Variants in PLXDC2 observed in about 807,000 individuals in gnomAD.
PLXDC2 encodes the protein plexin domain-containing protein 2.
A neutral mutation model predicts 68.9 loss-of-function variants in PLXDC2; 40 were observed. That is an observed-to-expected ratio of 0.58 (90% CI 0.45 to 0.76). PLXDC2 has a LOEUF of 0.76. PLXDC2 is among the 30% of genes least tolerant of loss of function. The pLI, the probability that PLXDC2 is intolerant of heterozygous loss-of-function variation, is 0.00. For missense variants in PLXDC2, 644 were observed against 661.9 expected, an observed-to-expected ratio of 0.97 and a Z score of 0.30; for synonymous variants, 243 against 234.2, an observed-to-expected ratio of 1.04 and a Z score of -0.34.
intron 12 of PLXDC2, among the ~76,000 whole-genome samples, chr10:20,238,698 C>CAT (rs1439937315): frequency 9.5e-6 from 1 of 105,386 alleles, no homozygotes; most frequent in Non-Finnish European, 2.0e-5. Context: ...TATATACACA[C>CAT]ATATATATGT....
In PLXDC2 at chr10:19,883,884, C is replaced by CT. The variant is rs397846779; in HGVS notation, c.112+66720dup. 8.6e-3 allele frequency among the ~76,000 whole-genome samples: 472 copies of CT among 55,086 alleles called. 84 individuals are homozygous for CT. The highest frequency in any genetic ancestry group is 0.016 in the East Asian group (21 of 1,354). 36.1% of individuals were successfully genotyped at this position (55,086 alleles called of 152,430 possible). A position where few individuals can be genotyped will look rare whatever the true frequency, so the allele number is the denominator to read the frequency against. ...ATTACTGTCTCCAGATCCCTTTAAACTTTTTTTTTTTTTTTTTTTTTTTTT... is the reference window on the plus strand; with the variant it reads ...ATTACTGTCTCCAGATCCCTTTAAACTTTTTTTTTTTTTTTTTTTTTTTTTT... On this transcript the variant is annotated intron_variant, in intron 1 of 13. Coordinates refer to ENST00000377252, the MANE Select transcript of PLXDC2 (RefSeq NM_032812.9).
intron 1 of PLXDC2, among the ~76,000 whole-genome samples, chr10:19,956,487 C>A (rs1834071479): frequency 6.6e-6 from 1 of 152,186 alleles, no homozygotes; most frequent in Non-Finnish European, 1.5e-5. Flanking sequence ...TTGTACAGCT[C>A]TGGAATCTTA....
At chr10:20,065,872 GCCTGCTGCTCA>G (rs1022491862) in intron 3 of PLXDC2, among the ~76,000 whole-genome samples, 87 of 152,352 alleles carry the variant, frequency 5.7e-4, no homozygotes, top group African/African-American at 2.0e-3. Flanking sequence ...TCCCTGGGTT[GCCTGCTGCTCA>G]CCTGCTGCTG....
At chr10:20,134,941 A>G (rs1833915775) in intron 4 of PLXDC2, among the ~76,000 whole-genome samples, 1 of 152,256 alleles carries the variant, frequency 6.6e-6, no homozygotes, top group East Asian at 1.9e-4. Context: ...TGGAGGGTAT[A>G]TTTCTCTGCA....
chr10:19,847,790 T>C (rs956881850), intron 1 of PLXDC2, among the ~76,000 whole-genome samples: 7 of 152,296 alleles, frequency 4.6e-5, no homozygotes, highest in African/African-American at 1.7e-4. Flanking sequence ...CACTATCACA[T>C]AGAGTCTATA....
intron 1 of PLXDC2, among the ~76,000 whole-genome samples, chr10:19,835,540 T>G (rs372542): frequency 4.6e-5 from 7 of 151,842 alleles, no homozygotes; most frequent in Non-Finnish European, 8.8e-5. Flanking sequence ...AGGGCTCAGA[T>G]GAGTTCAGGA....
intron 1 of PLXDC2, among the ~76,000 whole-genome samples, chr10:19,824,753 A>G (rs1205137446): frequency 1.3e-5 from 2 of 152,258 alleles, no homozygotes; most frequent in African/African-American, 4.8e-5. Context: ...AGATGAGAAT[A>G]TAAAATATTC....
chr10:20,171,856 T>A (rs545635476), intron 7 of PLXDC2, among the ~76,000 whole-genome samples: 1 of 152,090 alleles, frequency 6.6e-6, no homozygotes, highest in African/African-American at 2.4e-5. Context: ...GTGCCTGTAA[T>A]CTCAGCATTT....
chr10:19,934,863 T>C (rs75238241), intron 1 of PLXDC2, among the ~76,000 whole-genome samples: 2 of 152,040 alleles, frequency 1.3e-5, no homozygotes, highest in Non-Finnish European at 2.9e-5. Flanking sequence ...TTTCTTTCAC[T>C]AAGGTGAAAC....
intron 3 of PLXDC2, among the ~76,000 whole-genome samples, chr10:20,065,492 G>A (rs529989668): frequency 6.6e-6 from 1 of 152,310 alleles, no homozygotes; most frequent in East Asian, 1.9e-4. Context: ...TTTTTCCACA[G>A]AGGGTAGGAG....
intron 13 of PLXDC2, among the ~76,000 whole-genome samples, chr10:20,263,872 G>C (rs1588550977): frequency 6.6e-6 from 1 of 152,096 alleles, no homozygotes; most frequent in African/African-American, 2.4e-5. Flanking sequence ...ACTGTTTGTG[G>C]GAGTATAAGT....
At chr10:20,090,587 T>C (rs1488915221) in intron 4 of PLXDC2, among the ~76,000 whole-genome samples, 3 of 152,302 alleles carry the variant, frequency 2.0e-5, no homozygotes, top group East Asian at 1.9e-4. Flanking sequence ...ATATTTAAGG[T>C]ACATTTAATG....
rs895948839 is a variant in PLXDC2, at chr10:20,143,292, T to C, written c.542-3T>C. ...AATATGTTTCCTATTTTTCTAATTCTAGGTTTCATATACACTGGAGAAGTC... is the reference window on the plus strand; with the variant it reads ...AATATGTTTCCTATTTTTCTAATTCCAGGTTTCATATACACTGGAGAAGTC... On this transcript the variant is annotated splice_region_variant and splice_polypyrimidine_tract_variant and intron_variant, in intron 4 of 13. Coordinates refer to ENST00000377252, the MANE Select transcript of PLXDC2 (RefSeq NM_032812.9). 6.2e-7 allele frequency: 1 copy of C among 1,604,678 alleles called. No individual in the cohort carries two copies. The highest frequency in any genetic ancestry group is 8.5e-7 in the Non-Finnish European group (1 of 1,176,132).
intron 1 of PLXDC2, among the ~76,000 whole-genome samples, chr10:19,955,165 A>G (rs570377938): frequency 4.6e-4 from 63 of 138,376 alleles, no homozygotes; most frequent in Non-Finnish European, 8.0e-4. Context: ...AGCTGGGACT[A>G]TCGGCATGCA....
intron 1 of PLXDC2, among the ~76,000 whole-genome samples, chr10:19,865,319 C>T (rs1303076195): frequency 6.6e-6 from 1 of 152,136 alleles, no homozygotes; most frequent in Non-Finnish European, 1.5e-5. Context: ...TCATATTGAG[C>T]TTAAGAGTTC....
At chr10:19,955,501 G>A (rs1217193495) in intron 1 of PLXDC2, among the ~76,000 whole-genome samples, 1 of 152,076 alleles carries the variant, frequency 6.6e-6, no homozygotes, top group Non-Finnish European at 1.5e-5. Context: ...GAAAGCTCAT[G>A]GTCCCAGGTC....
chr10:19,987,455 C>A (rs1275968868), intron 1 of PLXDC2, among the ~76,000 whole-genome samples: 1 of 152,054 alleles, frequency 6.6e-6, no homozygotes, highest in Non-Finnish European at 1.5e-5. Context: ...GTCATGCATG[C>A]AAATCTGGAT....
intron 1 of PLXDC2, among the ~76,000 whole-genome samples, chr10:19,865,596 A>C (rs193005562): frequency 7.9e-5 from 12 of 152,314 alleles, no homozygotes; most frequent in African/African-American, 2.9e-4. Flanking sequence ...GTAGTAAAAA[A>C]ACGTCGAAAG....
intron 7 of PLXDC2, among the ~76,000 whole-genome samples, chr10:20,175,975 G>A (rs11593311): frequency 0.26 from 39,571 of 151,968 alleles, 6,008 homozygotes; most frequent in East Asian, 0.5. Flanking sequence ...AAACCCAGGC[G>A]AGCACATTAG....
Sources: allele counts gnomAD v4.1 joint callset (sites outside exome capture counted in the v4.1 genomes callset), GRCh38; gene constraint gnomAD v4.1.1; transcripts MANE v1.5; gene names NCBI Gene and HGNC (gene_info 2026-07-23, HGNC 2026-07-21).